NCOR1: variants seen among roughly 807,000 people sequenced by gnomAD.
The protein encoded by NCOR1 is nuclear receptor corepressor 1, also known as protein phosphatase 1, regulatory subunit 109.
Under a neutral mutation model 288.1 loss-of-function variants are expected in NCOR1, and 63 were observed. The ratio of observed to expected loss-of-function variants is 0.22; its 90% CI spans 0.18 to 0.27. NCOR1 has a LOEUF of 0.27. Among genes scored for constraint, NCOR1 ranks in the 10% least tolerant of loss-of-function variants. The pLI, the probability that NCOR1 is intolerant of heterozygous loss-of-function variation, is 1.00. For missense variants in NCOR1, 2,397 were observed against 3,019.2 expected (o/e 0.79, Z 4.83); for synonymous variants, 1,007 against 1,065.9 (o/e 0.94, Z 1.08).
chr17:16,057,522 G>A lies in NCOR1; in HGVS notation c.6384C>T (p.Ser2128=), dbSNP rs369282802. 3.0e-5 allele frequency: 48 copies of A among 1,613,350 alleles called. No homozygotes were observed. The African/African-American group carries it at 5.7e-4, about 19-fold the overall frequency. The stretch of plus-strand genomic sequence containing the variant: ...TGGAATAAAGATCATACCTTCCCCT[G>A]GATTTGTCCACAAGATTTTCTGGAG... ...RVSPENLVDK[S]RGSRPGKSPE... The change falls in exon 40 of 46, where the codon TCC becomes TCT. Residue 2128 remains serine (S), a synonymous_variant. Coordinates refer to ENST00000268712, the MANE Select transcript of NCOR1 (RefSeq NM_006311.4).
At position 16,031,685 on chromosome 17, in the gene NCOR1, T is replaced by C. The variant is rs561036342; in HGVS notation, c.*611A>G. The C allele has an allele frequency of 2.2e-5, 5 of 227,548 alleles. No individual in the cohort carries two copies. The highest frequency in any genetic ancestry group is 4.4e-5 in the Non-Finnish European group (5 of 114,604). 14.1% of individuals were successfully genotyped at this position (227,548 alleles called of 1,614,324 possible). On this transcript the variant is annotated 3_prime_UTR_variant, in exon 46 of 46. Transcript: ENST00000268712. ...TTACCTTTTGACCCTAATGTACAGA[T>C]TTTATGACAGGGTCTGTGTTAAAAA... is the stretch of plus-strand genomic sequence containing the variant.
intron 32 of NCOR1, among the ~76,000 whole-genome samples, chr17:16,066,980 G>A (rs1239828735): frequency 1.3e-5 from 2 of 152,204 alleles, no homozygotes; most frequent in Non-Finnish European, 2.9e-5. Flanking sequence ...GGTCTCAGCA[G>A]AAAACACATG....
At position 16,186,781 on chromosome 17, in the gene NCOR1, G is replaced by A. The variant is rs759817554; in HGVS notation, c.109-94C>T. On this transcript the variant is annotated intron_variant, in intron 2 of 45. Transcript: ENST00000268712. The stretch of plus-strand genomic sequence containing the variant: ...TATAAAGGTAGTTATGGGCCACTAA[G>A]TATGGAAAGAAAGAGCAATGACTAT... The A allele has an allele frequency of 1.1e-4, 123 of 1,099,492 alleles. 2 individuals are homozygous for A. In the Middle Eastern group the frequency reaches 1.8e-3, roughly 16 times the overall value. The allele number at this position is 1,099,492 out of a possible 1,614,324, so 68.1% of individuals were successfully genotyped here. A position where few individuals can be genotyped will look rare whatever the true frequency, so the allele number is the denominator to read the frequency against.
chr17:16,195,419 C>T (rs984409588), intron 1 of NCOR1, among the ~76,000 whole-genome samples: 2 of 151,630 alleles, frequency 1.3e-5, no homozygotes, highest in Admixed American at 6.6e-5. Context: ...TGCAGTGAGC[C>T]GAGATCACGC....
At chr17:16,196,824 C>CAA (rs35922115) in intron 1 of NCOR1, among the ~76,000 whole-genome samples, 8 of 91,190 alleles carry the variant, frequency 8.8e-5, no homozygotes, top group African/African-American at 1.7e-4. Flanking sequence ...GACTCTGTCT[C>CAA]AAAAAAAAAA....
At chr17:16,166,764 A>T (rs1271075754) in intron 4 of NCOR1, among the ~76,000 whole-genome samples, 2 of 145,508 alleles carry the variant, frequency 1.4e-5, no homozygotes, top group African/African-American at 2.6e-5. Context: ...TATCAACATT[A>T]AAAAAAAAAA....
intron 5 of NCOR1, among the ~76,000 whole-genome samples, chr17:16,159,737 TATA>T (rs2080441415): frequency 6.6e-6 from 1 of 151,826 alleles, no homozygotes; most frequent in Non-Finnish European, 1.5e-5. Flanking sequence ...TGTGTGCAAG[TATA>T]AAGAAAAAGC....
At chr17:16,174,124 C>A (rs570111400) in intron 3 of NCOR1, among the ~76,000 whole-genome samples, 1 of 152,188 alleles carries the variant, frequency 6.6e-6, no homozygotes, top group African/African-American at 2.4e-5. Flanking sequence ...CAATACTACA[C>A]AAAGCAACCT....
chr17:16,089,158 G>A (rs1222543166), intron 22 of NCOR1, among the ~76,000 whole-genome samples: 6 of 149,060 alleles, frequency 4.0e-5, no homozygotes, highest in African/African-American at 7.4e-5. Flanking sequence ...GAAATTGGAT[G>A]GTTCTAAACA....
intron 20 of NCOR1, among the ~76,000 whole-genome samples, chr17:16,100,348 T>C (rs1365788526): frequency 2.6e-5 from 4 of 152,206 alleles, no homozygotes; most frequent in Non-Finnish European, 4.4e-5. Flanking sequence ...TGACTAAAGC[T>C]ACCTGTAAAC....
At chr17:16,081,338 C>G (rs1164431063) in intron 23 of NCOR1, among the ~76,000 whole-genome samples, 2 of 149,040 alleles carry the variant, frequency 1.3e-5, no homozygotes, top group Non-Finnish European at 3.0e-5. Context: ...TTAAAGAACC[C>G]TGGAAATTAA....
intron 2 of NCOR1, among the ~76,000 whole-genome samples, chr17:16,193,843 G>C (rs1270268480): frequency 6.6e-6 from 1 of 152,014 alleles, no homozygotes; most frequent in South Asian, 2.1e-4. Context: ...AGTACATTCT[G>C]ATGACAAATC....
chr17:16,092,696 T>TATATATATATA (rs1491299823), intron 21 of NCOR1, among the ~76,000 whole-genome samples: 9 of 9,306 alleles, frequency 9.7e-4, no homozygotes, highest in African/African-American at 3.0e-3. Context: ...TATATATATA[T>TATATATATATA]TTTTTTTTTT....
intron 4 of NCOR1, among the ~76,000 whole-genome samples, chr17:16,168,325 C>G (rs73280292): frequency 6.6e-6 from 1 of 152,056 alleles, no homozygotes. Context: ...CTCAGCCTCC[C>G]GAGTAGCTGG....
chr17:16,213,924 C>T (rs1002977638), intron 1 of NCOR1, among the ~76,000 whole-genome samples: 2 of 152,168 alleles, frequency 1.3e-5, no homozygotes, highest in Non-Finnish European at 2.9e-5. Flanking sequence ...TCAGTTCCTA[C>T]TGTGAGCATT....
chr17:16,143,558 A>G (rs1261955906), intron 11 of NCOR1, 48 bp downstream of exon 11: 1 of 1,457,846 alleles, frequency 6.9e-7, no homozygotes, highest in African/African-American at 1.4e-5. Flanking sequence ...CAGAGTTAAA[A>G]TGCTTTAATA....
chr17:16,127,379 ATG>A lies in NCOR1; in HGVS notation c.1510-1175_1510-1174del, dbSNP rs2074552260. Among the ~76,000 whole-genome samples the A allele has an allele frequency of 5.7e-5, 2 of 34,816 alleles. 1 individual carries two copies. The highest frequency in any genetic ancestry group is 1.6e-4 in the Non-Finnish European group (2 of 12,536). 22.8% of individuals were successfully genotyped at this position (34,816 alleles called of 152,430 possible). A position where few individuals can be genotyped will look rare whatever the true frequency, so the allele number is the denominator to read the frequency against. ...TATGTATATATACATGTATGTATATATGTATGTATATATACATGTGTATATGT... is the reference window on the plus strand; with the variant it reads ...TATGTATATATACATGTATGTATATATATGTATATATACATGTGTATATGT... On this transcript the variant is annotated intron_variant, in intron 14 of 45. Coordinates refer to ENST00000268712, the MANE Select transcript of NCOR1 (RefSeq NM_006311.4).
chr17:16,097,630 C>A (rs551590819), intron 21 of NCOR1, among the ~76,000 whole-genome samples: 3 of 152,194 alleles, frequency 2.0e-5, no homozygotes, highest in Non-Finnish European at 2.9e-5. Flanking sequence ...ACCCCTTCTG[C>A]ACACCTTGCC....
chr17:16,101,294 C>A lies in NCOR1; in HGVS notation c.2646G>T (p.Thr882=), dbSNP rs374965263. ...CATCCACATCCTCATCAGCGCTGCACGTGGCACTGGAATCATTGTCTGACT... is the reference window on the plus strand; with the variant it reads ...CATCCACATCCTCATCAGCGCTGCAAGTGGCACTGGAATCATTGTCTGACT... ...EPQSDNDSSA[T]CSADEDVDGE... Residue 882 remains threonine, a synonymous_variant, in exon 20 of 46, where the codon ACG becomes ACT. Transcript: ENST00000268712. 14 of 1,612,310 alleles carry A rather than the reference C, an allele frequency of 8.7e-6. No homozygotes were observed. Among genetic ancestry groups the A allele is most frequent in the Non-Finnish European group, 1.2e-5 (14 of 1,179,124 alleles).
Sources: allele counts gnomAD v4.1 joint callset (sites outside exome capture counted in the v4.1 genomes callset), GRCh38; gene constraint gnomAD v4.1.1; transcripts MANE v1.5; gene names NCBI Gene and HGNC (gene_info 2026-07-23, HGNC 2026-07-21).